Variants in TMCO6 observed in about 807,000 individuals in gnomAD.
The protein encoded by TMCO6 is transmembrane and coiled-coil domains 6.
TMCO6 carries 47 observed loss-of-function variants against 61.8 expected under a neutral mutation model. The ratio of observed to expected loss-of-function variants is 0.76; its 90% CI spans 0.60 to 0.97. The LOEUF is 0.97. Among genes scored for constraint, TMCO6 ranks in the 50% least tolerant of loss-of-function variants. TMCO6 has a pLI of 0.00. For synonymous variants in TMCO6, 261 were observed against 254.2 expected (o/e 1.03, Z -0.25); for missense variants, 557 against 601.6 (o/e 0.93, Z 0.78).
chr5:140,635,245 T>TA (rs1354570733), upstream of TMCO6, among the ~76,000 whole-genome samples: 4 of 152,374 alleles, frequency 2.6e-5, no homozygotes, highest in East Asian at 7.7e-4. Flanking sequence ...GCCTCTGTGA[T>TA]ATCCCTGAGG....
downstream of TMCO6, chr5:140,647,258 T>C (rs566244682): frequency 3.6e-5 from 56 of 1,545,260 alleles, no homozygotes; most frequent in South Asian, 4.0e-4. Context: ...GCACTCACCG[T>C]AGCGGGCCCA....
chr5:140,626,170 A>G, the TMCO6 span, among the ~76,000 whole-genome samples: 4 of 151,626 alleles, frequency 2.6e-5, no homozygotes, highest in African/African-American at 9.7e-5. Context: ...TCTAGCCCCT[A>G]TGGCTAACTG....
chr5:140,640,601 G>GT (rs1321998504), intron 2 of TMCO6, among the ~76,000 whole-genome samples: 1 of 151,992 alleles, frequency 6.6e-6, no homozygotes, highest in African/African-American at 2.4e-5. Flanking sequence ...GTTTCATCAT[G>GT]TTTGTCAGGC....
chr5:140,633,785 CTTTCT>C, the TMCO6 span: 3 of 131,626 alleles, frequency 2.3e-5, no homozygotes, highest in African/African-American at 8.8e-5. Context: ...TAATAACTTT[CTTTCT>C]TTTTTTTTTT....
the TMCO6 span, among the ~76,000 whole-genome samples, chr5:140,614,644 G>A: frequency 3.3e-5 from 5 of 150,032 alleles, no homozygotes; most frequent in African/African-American, 9.8e-5. Flanking sequence ...ACAGAGTCTC[G>A]CTCTGTCACC....
upstream of TMCO6, chr5:140,639,166 C>A: frequency 4.4e-6 from 1 of 225,970 alleles, no homozygotes; most frequent in Non-Finnish European, 9.1e-6. Context: ...TCATCTAGAG[C>A]GTATTGTGGG....
At chr5:140,633,328 G>C in the TMCO6 span, 27 of 609,444 alleles carry the variant, frequency 4.4e-5, no homozygotes, top group South Asian at 4.5e-4. Context: ...TTCAGGGAGG[G>C]GGACCGTAAC....
At chr5:140,604,966 A>C in the TMCO6 span, among the ~76,000 whole-genome samples, 1 of 152,178 alleles carries the variant, frequency 6.6e-6, no homozygotes, top group Admixed American at 6.5e-5. Flanking sequence ...TCCAATGCAT[A>C]AACATTGAAG....
intron 2 of TMCO6, 157 bp downstream of exon 2, chr5:140,640,008 C>T (rs1158877299): frequency 3.1e-6 from 2 of 649,232 alleles, no homozygotes; most frequent in African/African-American, 1.8e-5. Context: ...CTGCACAACT[C>T]TTTGACCCAC....
chr5:140,646,443 A>C (rs999160475), downstream of TMCO6, among the ~76,000 whole-genome samples: 4 of 152,048 alleles, frequency 2.6e-5, no homozygotes, highest in African/African-American at 9.7e-5. Context: ...TTCTCCAATT[A>C]TTAGTGCATG....
chr5:140,645,955 A>G (rs1757368520), downstream of TMCO6, among the ~76,000 whole-genome samples: 1 of 150,878 alleles, frequency 6.6e-6, no homozygotes, highest in East Asian at 1.9e-4. Flanking sequence ...ATTATTAACT[A>G]CGGTGAGCAA....
chr5:140,620,099 T>A, the TMCO6 span, among the ~76,000 whole-genome samples: 1 of 152,236 alleles, frequency 6.6e-6, no homozygotes, highest in Non-Finnish European at 1.5e-5. Flanking sequence ...GCAGCTTTAT[T>A]CATAATTGCC....
At chr5:140,647,334 G>C, downstream of TMCO6, 1 of 1,606,302 alleles carries the variant, frequency 6.2e-7, no homozygotes, top group Non-Finnish European at 8.5e-7. Context: ...GCCTTCTTCA[G>C]CTCCACGTAG....
the TMCO6 span, chr5:140,632,371 G>A: frequency 5.0e-6 from 8 of 1,614,186 alleles, no homozygotes; most frequent in Non-Finnish European, 6.8e-6. The surrounding 1 kb of genome is among the most constrained non-coding windows in gnomAD (Gnocchi z 6.2). Flanking sequence ...CCCAGTCCAG[G>A]ATTGTCAGAC....
rs965652034 is a variant in TMCO6 at position 140,644,909 on chromosome 5, C to T, written c.1369-76C>T. ...TGGGGAATGCACCCTCTGGAGTAGGCTGACCCATGAGGCTGTGGGAATTGA... is the reference window on the plus strand; with the variant it reads ...TGGGGAATGCACCCTCTGGAGTAGGTTGACCCATGAGGCTGTGGGAATTGA... On this transcript the variant is annotated intron_variant, in intron 11 of 11. Coordinates refer to ENST00000394671, the MANE Select transcript of TMCO6 (RefSeq NM_018502.5). The T allele has an allele frequency of 2.6e-6, 4 of 1,541,024 alleles. No individual in the cohort carries two copies. In the Admixed American group the frequency reaches 6.8e-5, roughly 26 times the overall value.
At chr5:140,646,972 T>C (rs1286713534), downstream of TMCO6, 2 of 352,172 alleles carry the variant, frequency 5.7e-6, no homozygotes, top group East Asian at 5.3e-5. Context: ...AGAAACTATA[T>C]TGACTAACTT....
At chr5:140,601,162 T>C in the TMCO6 span, among the ~76,000 whole-genome samples, 4 of 152,184 alleles carry the variant, frequency 2.6e-5, no homozygotes, top group Non-Finnish European at 5.9e-5. Context: ...CTAATTGTGG[T>C]CTTAGTGAGG....
At chr5:140,623,659 T>C in the TMCO6 span, among the ~76,000 whole-genome samples, 2 of 152,218 alleles carry the variant, frequency 1.3e-5, no homozygotes, top group Admixed American at 6.5e-5. Flanking sequence ...TCATCAAGTC[T>C]TATAACTTAG....
the TMCO6 span, chr5:140,632,300 C>T: frequency 1.9e-6 from 3 of 1,613,850 alleles, no homozygotes; most frequent in Non-Finnish European, 1.7e-6. The surrounding 1 kb of genome is among the most constrained non-coding windows in gnomAD (Gnocchi z 6.2). Flanking sequence ...TGTTGCGCAG[C>T]GCTAGATTCT....
Sources: allele counts gnomAD v4.1 joint callset (sites outside exome capture counted in the v4.1 genomes callset), GRCh38; gene constraint gnomAD v4.1.1; non-coding constraint Gnocchi (gnomAD v3.1); transcripts MANE v1.5; gene names NCBI Gene and HGNC (gene_info 2026-07-23, HGNC 2026-07-21).